WDR27: variants seen among roughly 807,000 people sequenced by gnomAD.
WDR27 encodes the protein WD repeat domain 27.
A neutral mutation model predicts 114.4 loss-of-function variants in WDR27; 100 were observed. The observed-to-expected ratio is 0.87, with a 90% CI of 0.74 to 1.03. The LOEUF is 1.03. Ranked by LOEUF, WDR27 falls within the 50% of genes least tolerant of loss-of-function variation. WDR27 has a pLI of 0.00. For synonymous variants in WDR27, 449 were observed against 423.1 expected (o/e 1.06, Z -0.75); for missense variants, 1,129 against 1,092.9 (o/e 1.03, Z -0.47).
chr6:169,525,685 G>A (rs1044868427), intron 25 of WDR27, among the ~76,000 whole-genome samples: 3 of 152,142 alleles, frequency 2.0e-5, no homozygotes, highest in African/African-American at 7.2e-5. Context: ...ACTGTATGGA[G>A]GCTCCTCAAA....
intron 15 of WDR27, among the ~76,000 whole-genome samples, chr6:169,648,623 G>A (rs547934664): frequency 5.3e-5 from 8 of 152,372 alleles, no homozygotes; most frequent in Non-Finnish European, 1.0e-4. Context: ...TTGCAAAGTA[G>A]ACCCATGTAC....
At position 169,633,020 on chromosome 6, in the gene WDR27, A is replaced by C; in HGVS notation, c.2150T>G (p.Leu717Arg). ...CACCGCTGCACTGCAGCCGGCGTTG[A>C]GGTCAAACACTTCCACGGTCCTGTT... Reference protein sequence around the residue: ...GRNRTVEVFDLNAGCSAAVIA... With the variant: ...GRNRTVEVFDRNAGCSAAVIA... The change falls in exon 21 of 26, where the codon CTC becomes CGC. Residue 717 changes from leucine (L) to arginine (R), a missense_variant. Physicochemically the swap from Leu to Arg is moderately radical, Grantham distance 102 (BLOSUM62 -2). Transcript: ENST00000448612. 1.3e-6 allele frequency: 2 copies of C among 1,598,222 alleles called. No individual in the cohort carries two copies. The highest frequency in any genetic ancestry group is 1.7e-6 in the Non-Finnish European group (2 of 1,167,096).
chr6:169,446,072 C>A, the WDR27 span, among the ~76,000 whole-genome samples: 2 of 152,274 alleles, frequency 1.3e-5, no homozygotes, highest in Non-Finnish European at 2.9e-5. Context: ...GAACTGGTTA[C>A]TTCTTGTACG....
At chr6:169,597,198 G>A (rs1341612869) in intron 23 of WDR27, among the ~76,000 whole-genome samples, 1 of 152,124 alleles carries the variant, frequency 6.6e-6, no homozygotes, top group East Asian at 1.9e-4. Flanking sequence ...GTCCAACAAT[G>A]CAGTAAAATT....
intron 19 of WDR27, among the ~76,000 whole-genome samples, chr6:169,635,541 T>C (rs1817469808): frequency 6.6e-6 from 1 of 152,068 alleles, no homozygotes; most frequent in Non-Finnish European, 1.5e-5. Context: ...TGCCACAGGA[T>C]AGATGAGAGT....
At chr6:169,614,413 C>T (rs2128187886) in intron 21 of WDR27, among the ~76,000 whole-genome samples, 1 of 152,156 alleles carries the variant, frequency 6.6e-6, no homozygotes, top group East Asian at 1.9e-4. Context: ...AGGCCAGGTA[C>T]AGTGGCTTAC....
At chr6:169,490,848 C>A (rs771270924) in intron 25 of WDR27, among the ~76,000 whole-genome samples, 14 of 152,136 alleles carry the variant, frequency 9.2e-5, no homozygotes, top group Admixed American at 6.5e-5. Flanking sequence ...GCCTAGAAAT[C>A]TCCAGATTGC....
chr6:169,514,094 A>T (rs1002605325), intron 25 of WDR27, among the ~76,000 whole-genome samples: 1 of 152,176 alleles, frequency 6.6e-6, no homozygotes, highest in African/African-American at 2.4e-5. Flanking sequence ...GGATGAAGAG[A>T]GGAAACAATA....
intron 8 of WDR27, among the ~76,000 whole-genome samples, chr6:169,662,787 G>A (rs6937495): frequency 1.1e-4 from 8 of 71,924 alleles, no homozygotes; most frequent in Admixed American, 2.1e-4. Context: ...CATGACGCGC[G>A]TGCACCGCGG....
At position 169,585,944 on chromosome 6, in the gene WDR27, G is replaced by C. The variant is rs149301941; in HGVS notation, c.2425-3010C>G. On this transcript the variant is annotated intron_variant, in intron 23 of 25. Coordinates refer to ENST00000448612, the MANE Select transcript of WDR27 (RefSeq NM_182552.5). ...CATTTCTCTAAACATTTTTCCATAT[G>C]GTACCAATCCTTCTCCTACCATTTG... 3.8e-3 allele frequency among the ~76,000 whole-genome samples: 584 copies of C among 152,222 alleles called. 2 individuals are homozygous for C. The highest frequency in any genetic ancestry group is 0.013 in the African/African-American group (546 of 41,534).
At position 169,513,917 on chromosome 6, in the gene WDR27, C is replaced by T. The variant is rs117045786; in HGVS notation, c.2646-56283G>A. ...GACAGTACAGGAGGAAAAAGCAGCA[C>T]TTCTGTAGAACAGAGCCACTGAAAG... On this transcript the variant is annotated intron_variant, in intron 25 of 25. Coordinates refer to ENST00000448612, the MANE Select transcript of WDR27 (RefSeq NM_182552.5). Among the ~76,000 whole-genome samples the T allele has an allele frequency of 5.2e-3, 799 of 152,258 alleles. 4 individuals carry two copies. Among genetic ancestry groups the T allele is most frequent in the Non-Finnish European group, 6.2e-3 (422 of 68,012 alleles).
At position 169,627,515 on chromosome 6, in the gene WDR27, C is replaced by T. The variant is rs76697264; in HGVS notation, c.2223+5432G>A. Among the ~76,000 whole-genome samples the T allele has an allele frequency of 9.9e-3, 1,513 of 152,290 alleles. 70 individuals are homozygous for T. The highest frequency in any genetic ancestry group is 0.084 in the Admixed American group (1,283 of 15,298). On this transcript the variant is annotated intron_variant, in intron 21 of 25. Coordinates refer to ENST00000448612, the MANE Select transcript of WDR27 (RefSeq NM_182552.5). ...GCACTAGAGGAAGAGAGGAAAAACA[C>T]GTATCAGAATGTGGAGATCGTCTAC...
chr6:169,634,088 T>C (rs574187737), intron 20 of WDR27, among the ~76,000 whole-genome samples: 5 of 152,312 alleles, frequency 3.3e-5, no homozygotes, highest in African/African-American at 1.2e-4. Flanking sequence ...CAGCAACCGC[T>C]ATGATTTTTG....
At chr6:169,450,360 G>A in the WDR27 span, among the ~76,000 whole-genome samples, 283 of 152,326 alleles carry the variant, frequency 1.9e-3, 2 homozygotes, top group African/African-American at 6.5e-3. Context: ...TGCTTCCCAA[G>A]TGCCAGACGG....
At chr6:169,451,302 C>G in the WDR27 span, among the ~76,000 whole-genome samples, 1 of 152,192 alleles carries the variant, frequency 6.6e-6, no homozygotes, top group Admixed American at 6.5e-5. Context: ...TTGACTTGTC[C>G]TGTCTTTCCA....
At chr6:169,649,822 A>G (rs1213419781) in intron 14 of WDR27, among the ~76,000 whole-genome samples, 2 of 135,958 alleles carry the variant, frequency 1.5e-5, no homozygotes, top group African/African-American at 2.8e-5. Context: ...TCCCTCACAC[A>G]TCCATCTCTC....
At chr6:169,665,102 C>G (rs1166270676) in intron 7 of WDR27, 1 of 986,520 alleles carries the variant, frequency 1.0e-6, no homozygotes, top group Non-Finnish European at 1.2e-6. Context: ...CGTGCGGGCA[C>G]GGGGGATGCC....
chr6:169,474,383 G>A (rs983151168), intron 25 of WDR27, among the ~76,000 whole-genome samples: 1 of 152,166 alleles, frequency 6.6e-6, no homozygotes, highest in East Asian at 1.9e-4. Context: ...AAGAACTTTA[G>A]ACAATATAAC....
At chr6:169,589,856 A>G (rs1805365362) in intron 23 of WDR27, among the ~76,000 whole-genome samples, 1 of 150,154 alleles carries the variant, frequency 6.7e-6, no homozygotes, top group Non-Finnish European at 1.5e-5. Context: ...TTCATGAAGC[A>G]CTTCACCCAC....
Sources: allele counts gnomAD v4.1 joint callset (sites outside exome capture counted in the v4.1 genomes callset), GRCh38; gene constraint gnomAD v4.1.1; transcripts MANE v1.5; gene names NCBI Gene and HGNC (gene_info 2026-07-23, HGNC 2026-07-21).